The following HPD variants were observed in gnomAD, a reference collection of about 807,000 sequenced individuals.
HPD encodes the protein 4-hydroxyphenylpyruvate dioxygenase.
A neutral mutation model predicts 56.9 loss-of-function variants in HPD; 35 were observed. The observed-to-expected ratio is 0.62, with a 90% confidence interval of 0.47 to 0.82. HPD has a LOEUF of 0.82. HPD is among the 40% of genes least tolerant of loss of function. The pLI is 0.00. For synonymous variants in HPD, 186 were observed against 200.2 expected, an observed-to-expected ratio of 0.93 and a Z score of 0.60; for missense variants, 442 against 506.8, an observed-to-expected ratio of 0.87 and a Z score of 1.23.
At chr12:121,884,886 A>C in the HPD span, among the ~76,000 whole-genome samples, 2,119 of 152,140 alleles carry the variant, frequency 0.014, 29 homozygotes, top group Middle Eastern at 0.034. Context: ...GTCTACAAAT[A>C]TATATCTCTT....
chr12:121,888,471 C>A, the HPD span, among the ~76,000 whole-genome samples: 3 of 152,188 alleles, frequency 2.0e-5, no homozygotes, highest in Non-Finnish European at 4.4e-5. Flanking sequence ...ATGTGAAGAA[C>A]TGAATTGGAG....
intron 7 of HPD, among the ~76,000 whole-genome samples, chr12:121,852,157 C>G (rs944000207): frequency 1.7e-4 from 26 of 151,782 alleles, no homozygotes; most frequent in African/African-American, 5.8e-4. Context: ...GTAGGTGGGA[C>G]CACAGGCATG....
upstream of HPD, among the ~76,000 whole-genome samples, chr12:121,867,810 C>T (rs752256194): frequency 2.6e-5 from 4 of 152,144 alleles, no homozygotes; most frequent in South Asian, 2.1e-4. Context: ...GTGTCAGCCA[C>T]CGTGCCCGAC....
chr12:121,846,739 C>T, intron 11 of HPD, 123 bp downstream of exon 11: 1 of 870,946 alleles, frequency 1.1e-6, no homozygotes, highest in Non-Finnish European at 1.9e-6. Context: ...GTGAGGGAGT[C>T]CTGTCAGTCT....
intron 12 of HPD, among the ~76,000 whole-genome samples, chr12:121,842,362 C>G (rs1877435129): frequency 6.6e-6 from 1 of 152,062 alleles, no homozygotes; most frequent in Non-Finnish European, 1.5e-5. Context: ...AACTCCTGGC[C>G]TCAAGCAATC....
upstream of HPD, among the ~76,000 whole-genome samples, chr12:121,866,364 C>A: frequency 7.4e-6 from 1 of 135,822 alleles, no homozygotes; most frequent in African/African-American, 2.8e-5. Context: ...GGAAAAAGCT[C>A]TAAGATATGT....
upstream of HPD, chr12:121,858,943 A>G (rs1317177858): frequency 8.8e-7 from 1 of 1,136,964 alleles, no homozygotes; most frequent in African/African-American, 1.5e-5. Context: ...TGGGGTGGGG[A>G]GCTGAGCCCA....
In HPD at chr12:121,840,069, T is replaced by A. The variant is rs776686460; in HGVS notation, c.955-21A>T. 5 of 1,507,886 alleles carry A rather than the reference T, an allele frequency of 3.3e-6. No individual in the cohort carries two copies. The South Asian group carries it at 5.6e-5, about 17-fold the overall frequency. 93.4% of individuals were successfully genotyped at this position (1,507,886 alleles called of 1,614,324 possible). On this transcript the variant is annotated intron_variant, in intron 12 of 13. Coordinates refer to ENST00000289004, the MANE Select transcript of HPD (RefSeq NM_002150.3). ...AGCTCCTAGGCGGGAGACAGGGGGCTCTGCTAGGGGAGGCTGGCACGGTGA... is the reference window on the plus strand; with the variant it reads ...AGCTCCTAGGCGGGAGACAGGGGGCACTGCTAGGGGAGGCTGGCACGGTGA...
At chr12:121,858,480 G>A (rs930379296) in intron 2 of HPD, among the ~76,000 whole-genome samples, 12 of 152,036 alleles carry the variant, frequency 7.9e-5, no homozygotes, top group African/African-American at 1.4e-4. Context: ...CACCATGCCC[G>A]GCCAGGATAC....
chr12:121,859,997 A>C (rs1878134309), upstream of HPD, among the ~76,000 whole-genome samples: 1 of 152,154 alleles, frequency 6.6e-6, no homozygotes, highest in Non-Finnish European at 1.5e-5. Flanking sequence ...ATCTCTACTA[A>C]AAATACAAAC....
chr12:121,886,453 C>T, the HPD span, among the ~76,000 whole-genome samples: 2 of 146,934 alleles, frequency 1.4e-5, no homozygotes, highest in African/African-American at 5.1e-5. Context: ...CTTGCTCTGC[C>T]GCTCAGGCAG....
chr12:121,888,445 C>T, the HPD span, among the ~76,000 whole-genome samples: 17 of 152,184 alleles, frequency 1.1e-4, no homozygotes, highest in Admixed American at 1.3e-4. Flanking sequence ...TTTGTAAATC[C>T]TCCAGGGCTG....
At chr12:121,876,870 G>T in the HPD span, among the ~76,000 whole-genome samples, 1 of 151,974 alleles carries the variant, frequency 6.6e-6, no homozygotes, top group Admixed American at 6.6e-5. Flanking sequence ...GAAGTGGGAG[G>T]ATCACTTGAG....
Position 121,848,935 on chromosome 12 carries a change from G to C in HPD, c.596+64C>G, listed in dbSNP as rs1877672706. 23 of 1,155,676 alleles carry C rather than the reference G, an allele frequency of 2.0e-5. No homozygotes were observed. The East Asian group carries it at 5.4e-4, about 27-fold the overall frequency. 71.6% of individuals were successfully genotyped at this position (1,155,676 alleles called of 1,614,324 possible). A position where few individuals can be genotyped will look rare whatever the true frequency, so the allele number is the denominator to read the frequency against. ...TTTCCATGTTAGTGCAAGGACCAGG[G>C]AGTGGGCCAGTCCACCGTGAGGACC... On this transcript the variant is annotated intron_variant, in intron 9 of 13. Transcript: ENST00000289004.
At chr12:121,839,890 C>G in intron 13 of HPD, 42 bp downstream of exon 13, 1 of 1,606,648 alleles carries the variant, frequency 6.2e-7, no homozygotes, top group South Asian at 1.1e-5. Flanking sequence ...ACCGAGTGTG[C>G]TAGCTGCCTG....
Position 121,856,402 on chromosome 12 carries a change from C to T in HPD, c.246G>A (p.Met82Ile). The T allele has an allele frequency of 1.2e-6, 2 of 1,614,108 alleles. No homozygotes were observed. The highest frequency in any genetic ancestry group is 1.3e-5 in the African/African-American group (1 of 75,048). The change falls in exon 6 of 14, where the codon ATG becomes ATA. Residue 82 changes from methionine to isoleucine, a missense_variant. Physicochemically the swap from Met to Ile is conservative, Grantham distance 10. Coordinates refer to ENST00000289004, the MANE Select transcript of HPD (RefSeq NM_002150.3). ...SSALNPWNKE[M>I]GDHLVKHGDG... ...CACCGTGTTTCACCAGGTGATCGCC[C>T]ATCTCTGTGGCCGGCAGGGAGAGGA...
At chr12:121,877,026 G>A in the HPD span, among the ~76,000 whole-genome samples, 2 of 151,132 alleles carry the variant, frequency 1.3e-5, no homozygotes, top group Non-Finnish European at 3.0e-5. Context: ...CCCAGGAGGC[G>A]GAGGTTGCAG....
chr12:121,856,545 C>G (rs1393771259), intron 5 of HPD, 38 bp downstream of exon 5: 2 of 1,612,198 alleles, frequency 1.2e-6, no homozygotes, highest in South Asian at 2.2e-5. Context: ...CAGATCCCAC[C>G]CACAGAGCCA....
At chr12:121,854,815 G>C (rs779947081) in intron 6 of HPD, 23 bp from the exon 7 acceptor site, 2 of 1,578,666 alleles carry the variant, frequency 1.3e-6, no homozygotes, top group Non-Finnish European at 1.7e-6. Flanking sequence ...TGGGATCGGG[G>C]AATTGGTGAG....
Sources: gnomAD v4.1 joint callset for allele counts (sites outside exome capture counted in the v4.1 genomes callset) on GRCh38, gnomAD v4.1.1 for gene constraint, MANE v1.5 for transcripts, NCBI Gene and HGNC (gene_info 2026-07-23, HGNC 2026-07-21) for gene names.